Variants in SCHIP1 observed in about 807,000 individuals in gnomAD.
The protein encoded by SCHIP1 is schwannomin-interacting protein 1.
SCHIP1 carries 8 observed loss-of-function variants against 29.7 expected under a neutral mutation model. The observed-to-expected ratio is 0.27, with a 90% CI of 0.16 to 0.49. The LOEUF (loss-of-function observed/expected upper bound fraction) is 0.49. Ranked by LOEUF, SCHIP1 falls within the 20% of genes least tolerant of loss-of-function variation. The pLI is 0.99. For missense variants in SCHIP1, 193 were observed against 294.6 expected, an observed-to-expected ratio of 0.66 and a Z score of 2.52; for synonymous variants, 76 against 94.9, an observed-to-expected ratio of 0.80 and a Z score of 1.16.
the SCHIP1 span, among the ~76,000 whole-genome samples, chr3:159,485,553 A>C: frequency 1.1e-4 from 16 of 152,122 alleles, no homozygotes; most frequent in African/African-American, 3.6e-4. Context: ...TAATCACTTT[A>C]TGTGTGTTTG....
chr3:159,396,422 T>A, the SCHIP1 span, among the ~76,000 whole-genome samples: 9 of 147,536 alleles, frequency 6.1e-5, no homozygotes, highest in African/African-American at 2.3e-4. Flanking sequence ...GTCTCGATGG[T>A]CTTTACATTT....
At chr3:159,653,570 C>T in the SCHIP1 span, among the ~76,000 whole-genome samples, 4 of 133,782 alleles carry the variant, frequency 3.0e-5, no homozygotes, top group African/African-American at 1.2e-4. Context: ...GGGAACATCA[C>T]ATACAGGGGC....
the SCHIP1 span, among the ~76,000 whole-genome samples, chr3:159,812,859 G>C: frequency 6.6e-6 from 1 of 152,174 alleles, no homozygotes; most frequent in African/African-American, 2.4e-5. Context: ...CCAGAGGCTG[G>C]GAAGTCCAAG....
At chr3:159,307,712 T>C in the SCHIP1 span, among the ~76,000 whole-genome samples, 8,018 of 152,182 alleles carry the variant, frequency 0.053, 571 homozygotes, top group African/African-American at 0.17. Flanking sequence ...TGAGGTCTTG[T>C]ATTTAAGTTT....
chr3:159,596,462 G>A, the SCHIP1 span, among the ~76,000 whole-genome samples: 1 of 152,068 alleles, frequency 6.6e-6, no homozygotes, highest in Non-Finnish European at 1.5e-5. Context: ...TATACCCAAA[G>A]GATTATAAAT....
chr3:159,325,508 TATG>T, the SCHIP1 span, among the ~76,000 whole-genome samples: 2 of 152,122 alleles, frequency 1.3e-5, no homozygotes, highest in African/African-American at 2.4e-5. Flanking sequence ...CTGTGGGCAT[TATG>T]AAAGCTGGAA....
the SCHIP1 span, among the ~76,000 whole-genome samples, chr3:159,382,377 G>A: frequency 2.7e-5 from 4 of 150,100 alleles, no homozygotes; most frequent in East Asian, 3.9e-4. Flanking sequence ...TTGTTCTTGC[G>A]ATAGTTTACT....
chr3:159,467,622 T>C, the SCHIP1 span, among the ~76,000 whole-genome samples: 2 of 152,092 alleles, frequency 1.3e-5, no homozygotes, highest in Admixed American at 6.6e-5. Context: ...GAAATAGTTA[T>C]TTTGTGTAAT....
the SCHIP1 span, among the ~76,000 whole-genome samples, chr3:159,464,925 A>G: frequency 2.2e-3 from 339 of 152,230 alleles, 5 homozygotes; most frequent in Admixed American, 0.017. Flanking sequence ...CTAGAACTAC[A>G]GTTTTTTATG....
chr3:159,879,073 T>C (rs1716179204), intron 2 of SCHIP1, among the ~76,000 whole-genome samples: 2 of 151,892 alleles, frequency 1.3e-5, no homozygotes, highest in African/African-American at 4.8e-5. Flanking sequence ...TCTAATAATA[T>C]TGGACTAAGC....
the SCHIP1 span, among the ~76,000 whole-genome samples, chr3:159,558,370 T>C: frequency 2.2e-4 from 33 of 152,284 alleles, no homozygotes; most frequent in South Asian, 8.3e-4. Flanking sequence ...CTTATTGTCC[T>C]GGAAACAAGA....
At chr3:159,298,920 C>G in the SCHIP1 span, among the ~76,000 whole-genome samples, 8 of 152,086 alleles carry the variant, frequency 5.3e-5, no homozygotes, top group Non-Finnish European at 1.0e-4. Context: ...GTTTTTGGCC[C>G]CAGTTCACCT....
At chr3:159,383,981 T>C in the SCHIP1 span, among the ~76,000 whole-genome samples, 2 of 151,230 alleles carry the variant, frequency 1.3e-5, no homozygotes, top group East Asian at 3.9e-4. Context: ...TTTGCTGAAG[T>C]TGCTTATCAG....
At chr3:159,595,251 A>C in the SCHIP1 span, among the ~76,000 whole-genome samples, 1 of 152,164 alleles carries the variant, frequency 6.6e-6, no homozygotes, top group Non-Finnish European at 1.5e-5. Context: ...AGGAACAGGT[A>C]TCTATAGCTA....
Position 159,884,064 on chromosome 3 carries a change from G to A in SCHIP1, c.150-2143G>A, listed in dbSNP as rs118057749. On this transcript the variant is annotated intron_variant, in intron 2 of 6. Transcript: ENST00000445224. ...TACATTTTTATAATCTGTGTATCCAGTAGCCAGACCCTTCTTCTCAAGACT... is the reference window on the plus strand; with the variant it reads ...TACATTTTTATAATCTGTGTATCCAATAGCCAGACCCTTCTTCTCAAGACT... Among the ~76,000 whole-genome samples the A allele has an allele frequency of 1.7e-3, 262 of 152,238 alleles. 4 individuals are homozygous for A. In the East Asian group the frequency reaches 0.035, roughly 21 times the overall value.
At chr3:159,596,501 T>C in the SCHIP1 span, among the ~76,000 whole-genome samples, 1 of 152,150 alleles carries the variant, frequency 6.6e-6, no homozygotes, top group Non-Finnish European at 1.5e-5. Context: ...CATGCACACG[T>C]ATGTTTATTG....
the SCHIP1 span, chr3:159,764,526 C>T: frequency 6.3e-7 from 1 of 1,587,502 alleles, no homozygotes; most frequent in East Asian, 2.3e-5. This position sits in a 1 kb window ranked among gnomAD's most constrained non-coding sequence, Gnocchi z 6.1. Flanking sequence ...AGTCCAACTC[C>T]ACCAAAGTGA....
the SCHIP1 span, among the ~76,000 whole-genome samples, chr3:159,322,374 C>G: frequency 6.6e-6 from 1 of 152,184 alleles, no homozygotes; most frequent in Non-Finnish European, 1.5e-5. Flanking sequence ...TTAATATAGT[C>G]TCTCTGACTT....
the SCHIP1 span, among the ~76,000 whole-genome samples, chr3:159,364,691 G>A: frequency 6.6e-6 from 1 of 152,176 alleles, no homozygotes; most frequent in Non-Finnish European, 1.5e-5. Context: ...CAGAACTGGG[G>A]AAACAGCTCC....
Sources: allele counts gnomAD v4.1 joint callset (sites outside exome capture counted in the v4.1 genomes callset), GRCh38; gene constraint gnomAD v4.1.1; non-coding constraint Gnocchi (gnomAD v3.1); transcripts MANE v1.5; gene names NCBI Gene and HGNC (gene_info 2026-07-23, HGNC 2026-07-21).